The following DNA2 variants were observed in gnomAD, a reference collection of about 807,000 sequenced individuals.
The protein encoded by DNA2 is DNA replication helicase/nuclease 2.
Under a neutral mutation model 119.1 loss-of-function variants are expected in DNA2, and 101 were observed. The ratio of observed to expected loss-of-function variants is 0.85; its 90% CI spans 0.72 to 1.00. DNA2 has a LOEUF of 1.00. Among genes scored for constraint, DNA2 ranks in the 50% least tolerant of loss-of-function variants. DNA2 has a pLI of 0.00. For missense variants in DNA2, 1,121 were observed against 1,255.5 expected (o/e 0.89, Z 1.62); for synonymous variants, 366 against 424.4 (o/e 0.86, Z 1.69).
intron 14 of DNA2, among the ~76,000 whole-genome samples, chr10:68,428,221 G>A (rs1340866571): frequency 6.6e-6 from 1 of 152,030 alleles, no homozygotes. Flanking sequence ...CAGCTACTCG[G>A]GAGGCTGAGG....
rs764129642 is a variant in DNA2 at position 68,446,277 on chromosome 10, A to G, written c.1057+19T>C. The G allele has an allele frequency of 1.9e-6, 2 of 1,041,580 alleles. No homozygotes were observed. Among genetic ancestry groups the G allele is most frequent in the South Asian group, 1.5e-5 (1 of 65,212 alleles). 64.5% of individuals were successfully genotyped at this position (1,041,580 alleles called of 1,614,324 possible). ...GGGGGGTGGGCAAAGAAGTAAAACT[A>G]AAAAAAAAACGGCTCAACCTCTTTT... On this transcript the variant is annotated intron_variant, in intron 7 of 20. Transcript: ENST00000358410.
At position 68,422,746 on chromosome 10, in the gene DNA2, C is replaced by A; in HGVS notation, c.2353G>T (p.Val785Leu). The change falls in exon 15 of 21, where the codon GTG becomes TTG. Residue 785 changes from valine to leucine, a missense_variant. Val to Leu is a conservative substitution (Grantham distance 32). Coordinates refer to ENST00000358410, the MANE Select transcript of DNA2 (RefSeq NM_001080449.3). ...GGAGGAAGCTGCTGATGGTCCCCCA[C>A]TAACACAAATCTCCGTGAAAAAAAA... ...PLFFSRRFVL[V>L]GDHQQLPPLV... is the part of the protein sequence containing the mutation. 6.2e-7 allele frequency: 1 copy of A among 1,611,850 alleles called. No homozygotes were observed. The highest frequency in any genetic ancestry group is 8.5e-7 in the Non-Finnish European group (1 of 1,179,400).
chr10:68,465,806 C>G lies in DNA2; in HGVS notation c.448G>C (p.Asp150His). Residue 150 changes from aspartate to histidine, a missense_variant, in exon 4 of 21, where the codon GAT (aspartate) becomes CAT (histidine). By Grantham distance (81) the Asp-to-His change is moderately conservative (BLOSUM62 -1). Coordinates refer to ENST00000358410, the MANE Select transcript of DNA2 (RefSeq NM_001080449.3). ...ATTAGCATTTGGCGTGTGGCTGGAT[C>G]AGAGCTCTACAAAAGCAAATCACAC... Reference protein sequence around the residue: ...AVLSETFRSSDPATRQMLIGT... With the variant: ...AVLSETFRSSHPATRQMLIGT... The G allele has an allele frequency of 6.5e-7, 1 of 1,547,078 alleles. No individual in the cohort carries two copies. Among genetic ancestry groups the G allele is most frequent in the South Asian group, 1.3e-5 (1 of 78,370 alleles).
chr10:68,435,315 C>G (rs1238842901), intron 10 of DNA2, among the ~76,000 whole-genome samples: 2 of 151,972 alleles, frequency 1.3e-5, no homozygotes, highest in Non-Finnish European at 2.9e-5. Flanking sequence ...TCCCAGTGTG[C>G]TAGGATTACA....
chr10:68,472,096 A>G (rs771345239), upstream of DNA2: 2 of 1,541,680 alleles, frequency 1.3e-6, no homozygotes, highest in South Asian at 2.4e-5. Flanking sequence ...TCCCTTGCTT[A>G]GGACTGGGAA....
chr10:68,461,210 G>C (rs956165716), intron 4 of DNA2, among the ~76,000 whole-genome samples: 1 of 151,986 alleles, frequency 6.6e-6, no homozygotes, highest in African/African-American at 2.4e-5. Context: ...AATTTTTCAG[G>C]GTTCTTACAA....
In DNA2 at chr10:68,468,232, T is replaced by C. The variant is rs2052349166; in HGVS notation, c.332A>G (p.Asp111Gly). Residue 111 changes from aspartate to glycine, a missense_variant, in exon 3 of 21, where the codon GAT becomes GGT. By Grantham distance (94) the Asp-to-Gly change is moderately conservative. Transcript: ENST00000358410. Reference protein sequence around the residue: ...GDCTSDTWIIDKDFGYLILYP... With the variant: ...GDCTSDTWIIGKDFGYLILYP... ...CAGAATCAAATATCCAAAATCTTTA[T>C]CTATTATCCAAGTGTCAGATGTGCA... The C allele has an allele frequency of 1.2e-6, 2 of 1,612,342 alleles. No individual in the cohort carries two copies. The highest frequency in any genetic ancestry group is 1.3e-5 in the African/African-American group (1 of 74,908).
intron 6 of DNA2, among the ~76,000 whole-genome samples, chr10:68,449,649 C>T (rs2052091539): frequency 1.3e-5 from 2 of 152,008 alleles, no homozygotes; most frequent in Admixed American, 1.3e-4. Flanking sequence ...TAAGGCCGGG[C>T]TCAGTGGCTC....
chr10:68,445,160 T>A, intron 7 of DNA2, 77 bp from the exon 8 acceptor site: 1 of 1,364,582 alleles, frequency 7.3e-7, no homozygotes, highest in Non-Finnish European at 1.0e-6. Context: ...TATGTAAAAC[T>A]TGCAGATTTA....
At chr10:68,446,470 A>G (rs536345662) in intron 6 of DNA2, 57 bp from the exon 7 acceptor site, 3 of 1,075,566 alleles carry the variant, frequency 2.8e-6, no homozygotes, top group East Asian at 2.6e-5. Flanking sequence ...ATTTCCTTAC[A>G]TTGTCTTGCA....
intron 4 of DNA2, among the ~76,000 whole-genome samples, 155 bp downstream of exon 4, chr10:68,465,512 C>A (rs1304272496): frequency 6.6e-6 from 1 of 152,158 alleles, no homozygotes; most frequent in Non-Finnish European, 1.5e-5. Context: ...ATTTCAGAAA[C>A]TCTTCACAGA....
At chr10:68,456,979 A>G (rs1329700566) in intron 5 of DNA2, among the ~76,000 whole-genome samples, 1 of 151,708 alleles carries the variant, frequency 6.6e-6, no homozygotes, top group Non-Finnish European at 1.5e-5. Flanking sequence ...CTAAAAATAC[A>G]AAAAATTAGC....
In DNA2 at chr10:68,431,850, T is replaced by G. The variant is rs1057521699; in HGVS notation, c.1983+12A>C. ...AATATTTTGTCTCTAAGCAGAAGAA[T>G]AATAACCTTACGAGAGTACATATCG... On this transcript the variant is annotated intron_variant, in intron 13 of 20. Transcript: ENST00000358410. 3.8e-6 allele frequency: 6 copies of G among 1,569,366 alleles called. No individual in the cohort carries two copies. The highest frequency in any genetic ancestry group is 2.6e-6 in the Non-Finnish European group (3 of 1,143,066).
chr10:68,463,395 G>C (rs1212010775), intron 4 of DNA2, among the ~76,000 whole-genome samples: 2 of 134,142 alleles, frequency 1.5e-5, no homozygotes, highest in Non-Finnish European at 3.1e-5. Context: ...AGTGAGCCGA[G>C]ATTGTGCCAC....
In DNA2 at chr10:68,430,645, C is replaced by A. The variant is rs200069526; in HGVS notation, c.1999G>T (p.Ala667Ser). Residue 667 changes from alanine to serine, a missense_variant, in exon 14 of 21, where the codon GCC (alanine) becomes TCC (serine). Physicochemically the swap from Ala to Ser is moderately conservative, Grantham distance 99. Transcript: ENST00000358410. ...GTCAACAAAACGCTAAAACCACAGG[C>A]GTAGAGAATTCTTACCTAATAATGG... ...TICTLVRILYACGFSVLLTSY... is the reference protein window; with the variant it reads ...TICTLVRILYSCGFSVLLTSY... 6 of 1,588,146 alleles carry A rather than the reference C, an allele frequency of 3.8e-6. No homozygotes were observed. The African/African-American group carries it at 5.4e-5, about 14-fold the overall frequency.
At chr10:68,433,691 G>A (rs1157663884) in intron 10 of DNA2, among the ~76,000 whole-genome samples, 2 of 152,018 alleles carry the variant, frequency 1.3e-5, no homozygotes, top group African/African-American at 4.8e-5. Context: ...CACCACACCT[G>A]GCTAATTTTT....
chr10:68,427,353 C>CAAA (rs796313197), intron 14 of DNA2, among the ~76,000 whole-genome samples: 2 of 142,410 alleles, frequency 1.4e-5, no homozygotes, highest in African/African-American at 5.1e-5. Flanking sequence ...GTGTCAAAAA[C>CAAA]AAAAAAAAAA....
chr10:68,452,809 C>T (rs2052137403), intron 5 of DNA2, among the ~76,000 whole-genome samples: 1 of 144,276 alleles, frequency 6.9e-6, no homozygotes, highest in African/African-American at 2.6e-5. Context: ...ATCTCGAACT[C>T]CTGGTCTCAA....
At chr10:68,436,985 T>C in intron 10 of DNA2, 26 bp downstream of exon 10, 2 of 1,541,814 alleles carry the variant, frequency 1.3e-6, no homozygotes, top group Non-Finnish European at 1.8e-6. Flanking sequence ...ATAAAGCTGT[T>C]ATCAAAAAAA....
Sources: gnomAD v4.1 joint callset for allele counts (sites outside exome capture counted in the v4.1 genomes callset) on GRCh38, gnomAD v4.1.1 for gene constraint, MANE v1.5 for transcripts, NCBI Gene and HGNC (gene_info 2026-07-23, HGNC 2026-07-21) for gene names.